Variants in MRTFA observed in about 807,000 individuals in gnomAD.
MRTFA encodes myocardin related transcription factor A.
In MRTFA, 20 loss-of-function variants were observed where a neutral mutation model predicts 83.5. That is an observed-to-expected ratio of 0.24 (90% confidence interval 0.17 to 0.35). MRTFA has a LOEUF of 0.35. MRTFA is among the 10% of genes least tolerant of loss of function. The pLI, the probability that MRTFA is intolerant of heterozygous loss-of-function variation, is 1.00. For synonymous variants in MRTFA, 659 were observed against 541.2 expected (o/e 1.22, Z -3.02); for missense variants, 1,200 against 1,224.7 (o/e 0.98, Z 0.30).
chr22:40,467,254 T>C (rs747966531), intron 3 of MRTFA, among the ~76,000 whole-genome samples: 4 of 152,142 alleles, frequency 2.6e-5, no homozygotes, highest in South Asian at 2.1e-4. Flanking sequence ...TAACCTTCAA[T>C]GGTTACAAAG....
chr22:40,535,349 T>TTTTC (rs72009288), intron 3 of MRTFA, among the ~76,000 whole-genome samples: 5 of 27,108 alleles, frequency 1.8e-4, no homozygotes, highest in African/African-American at 9.0e-4. Context: ...AGGTTTTTTC[T>TTTTC]TTTTTTTTTT....
chr22:40,539,406 C>G (rs572215657), intron 3 of MRTFA, among the ~76,000 whole-genome samples: 2 of 149,630 alleles, frequency 1.3e-5, no homozygotes, highest in East Asian at 4.0e-4. Flanking sequence ...GTGGCACAAT[C>G]TCAGCTCACT....
chr22:40,569,081 C>T (rs912963976), intron 2 of MRTFA, among the ~76,000 whole-genome samples: 1 of 152,026 alleles, frequency 6.6e-6, no homozygotes, highest in Non-Finnish European at 1.5e-5. Context: ...TTTTTATATA[C>T]CAGACTATCA....
chr22:40,464,296 G>A (rs1344411533), intron 3 of MRTFA, among the ~76,000 whole-genome samples: 3 of 117,086 alleles, frequency 2.6e-5, no homozygotes, highest in African/African-American at 9.7e-5. Flanking sequence ...ACGAGAGTGA[G>A]ATGCTGTCTC....
intron 7 of MRTFA, among the ~76,000 whole-genome samples, chr22:40,424,852 G>A (rs1379726240): frequency 6.6e-6 from 1 of 152,212 alleles, no homozygotes; most frequent in Non-Finnish European, 1.5e-5. Context: ...CTCTGAACCA[G>A]CTAACGAGGG....
intron 3 of MRTFA, chr22:40,519,373 G>A (rs1028052119): frequency 7.9e-7 from 1 of 1,263,734 alleles, no homozygotes; most frequent in South Asian, 1.3e-5. Flanking sequence ...AACCTTGGAG[G>A]GTTTTGTGTA....
chr22:40,482,579 C>A (rs1197715983), intron 3 of MRTFA, among the ~76,000 whole-genome samples: 1 of 152,188 alleles, frequency 6.6e-6, no homozygotes, highest in African/African-American at 2.4e-5. Context: ...TAGGAATGTG[C>A]TTCCTTTAGC....
intron 3 of MRTFA, among the ~76,000 whole-genome samples, chr22:40,540,731 G>A (rs1250995725): frequency 6.7e-6 from 1 of 149,080 alleles, no homozygotes; most frequent in African/African-American, 2.5e-5. Context: ...GAGCTGAGAT[G>A]GTGCCACTAC....
chr22:40,427,316 T>C (rs886450570), intron 7 of MRTFA, among the ~76,000 whole-genome samples: 1 of 152,136 alleles, frequency 6.6e-6, no homozygotes, highest in East Asian at 1.9e-4. Flanking sequence ...AAAGGGCTCC[T>C]CCGGGCCCAG....
At chr22:40,519,391 A>G (rs1337335620) in intron 3 of MRTFA, 1 of 1,309,796 alleles carries the variant, frequency 7.6e-7, no homozygotes, top group Non-Finnish European at 1.0e-6. Flanking sequence ...GTAATATTTC[A>G]TTTAGTCAGC....
chr22:40,477,343 C>T (rs2054015468), intron 3 of MRTFA, among the ~76,000 whole-genome samples: 1 of 151,542 alleles, frequency 6.6e-6, no homozygotes, highest in Non-Finnish European at 1.5e-5. Context: ...GAGTGAGACT[C>T]GGTCTCAAAA....
In MRTFA at chr22:40,411,266, A is replaced by G. The variant is rs939255765; in HGVS notation, c.*124T>C. On this transcript the variant is annotated 3_prime_UTR_variant, in exon 15 of 15. Coordinates refer to ENST00000355630, the MANE Select transcript of MRTFA (RefSeq NM_020831.6). Reference sequence around the variant, plus strand: ...TCTGTTCTAGCCTCCCAGGGAAGGGAAAAAGCAGGGGCTGTGATTGTCAAG... The same window carrying G: ...TCTGTTCTAGCCTCCCAGGGAAGGGGAAAAGCAGGGGCTGTGATTGTCAAG... 3 of 1,097,660 alleles carry G rather than the reference A, an allele frequency of 2.7e-6. No homozygotes were observed. The highest frequency in any genetic ancestry group is 3.8e-6 in the Non-Finnish European group (3 of 783,610). 68.0% of individuals were successfully genotyped at this position (1,097,660 alleles called of 1,614,324 possible).
intron 3 of MRTFA, among the ~76,000 whole-genome samples, chr22:40,483,492 T>G (rs2147188745): frequency 6.6e-6 from 1 of 151,354 alleles, no homozygotes; most frequent in East Asian, 2.0e-4. Context: ...AAGACCAACC[T>G]GGCTAACATG....
chr22:40,506,572 T>G lies in MRTFA; in HGVS notation c.242-43286A>C, dbSNP rs1250830732. Among the ~76,000 whole-genome samples, 3 of 152,230 alleles carry G rather than the reference T, an allele frequency of 2.0e-5. No homozygotes were observed. In the East Asian group the frequency reaches 5.8e-4, roughly 29 times the overall value. ...CACTGGCATTTGAAGGAGATGTGGCTTCTTCAGTGCCCAACGAGGTTGGAT... is the reference window on the plus strand; with the variant it reads ...CACTGGCATTTGAAGGAGATGTGGCGTCTTCAGTGCCCAACGAGGTTGGAT... On this transcript the variant is annotated intron_variant, in intron 3 of 14. Coordinates refer to ENST00000355630, the MANE Select transcript of MRTFA (RefSeq NM_020831.6).
At chr22:40,425,577 C>A (rs1222846102) in intron 7 of MRTFA, among the ~76,000 whole-genome samples, 3 of 152,254 alleles carry the variant, frequency 2.0e-5, no homozygotes, top group Non-Finnish European at 4.4e-5. Context: ...TTCTTCCTTA[C>A]TGGCGACTGT....
intron 3 of MRTFA, among the ~76,000 whole-genome samples, chr22:40,479,533 A>C (rs1455589776): frequency 1.3e-5 from 2 of 152,178 alleles, no homozygotes; most frequent in African/African-American, 2.4e-5. Flanking sequence ...AAAATAAAAA[A>C]CATGGATTTG....
intron 2 of MRTFA, among the ~76,000 whole-genome samples, chr22:40,577,221 GT>G (rs1252382978): frequency 3.4e-5 from 4 of 117,776 alleles, no homozygotes; most frequent in Non-Finnish European, 6.7e-5. Context: ...GAGTAACAGA[GT>G]AAGACCCTTG....
chr22:40,448,360 G>C (rs538882162), intron 4 of MRTFA, among the ~76,000 whole-genome samples: 31 of 151,916 alleles, frequency 2.0e-4, no homozygotes, highest in Non-Finnish European at 4.4e-4. Context: ...TGTGATCCCA[G>C]CTACTCGGGA....
chr22:40,442,443 A>G (rs1159105360), intron 4 of MRTFA, among the ~76,000 whole-genome samples: 3 of 152,216 alleles, frequency 2.0e-5, no homozygotes, highest in Non-Finnish European at 4.4e-5. Context: ...CAGAACATCA[A>G]TGAGGGCTAC....
Sources: gnomAD v4.1 joint callset for allele counts (sites outside exome capture counted in the v4.1 genomes callset) on GRCh38, gnomAD v4.1.1 for gene constraint, MANE v1.5 for transcripts, NCBI Gene and HGNC (gene_info 2026-07-23, HGNC 2026-07-21) for gene names.